The following LTK variants were observed in gnomAD, a reference collection of about 807,000 sequenced individuals.
The protein encoded by LTK is leukocyte receptor tyrosine kinase.
Under a neutral mutation model 101.5 loss-of-function variants are expected in LTK, and 117 were observed. The ratio of observed to expected loss-of-function variants is 1.15; its 90% CI spans 0.99 to 1.34. LTK has a LOEUF of 1.34. Ranked by LOEUF, LTK falls within the 40% of genes most tolerant of loss-of-function variation. The pLI, the probability that LTK is intolerant of heterozygous loss-of-function variation, is 0.00. For synonymous variants in LTK, 563 were observed against 494.2 expected, an observed-to-expected ratio of 1.14 and a Z score of -1.85; for missense variants, 1,252 against 1,164.7, an observed-to-expected ratio of 1.07 and a Z score of -1.09.
rs1284727107 is a variant in LTK at position 41,511,186 on chromosome 15, G to T, written c.975C>A (p.Gly325=). The stretch of plus-strand genomic sequence containing the variant: ...TACCCCTGTAGCCGCCGCCGCCTCC[G>T]CCCGCAGTGCAGGCCCCGCCGCCGC... ...FGGGGGACTA[G]GGGGGYRGGD... The change falls in exon 7 of 20, where the codon GGC becomes GGA. Residue 325 remains glycine, a synonymous_variant. Coordinates refer to ENST00000263800, the MANE Select transcript of LTK (RefSeq NM_002344.6). This position sits in a 1 kb window ranked among gnomAD's most constrained non-coding sequence, Gnocchi z 5.9. 8 of 1,405,234 alleles carry T rather than the reference G, an allele frequency of 5.7e-6. No homozygotes were observed. Among genetic ancestry groups the T allele is most frequent in the Non-Finnish European group, 7.4e-6 (8 of 1,088,160 alleles). The allele number at this position is 1,405,234 out of a possible 1,614,324, so 87.0% of individuals were successfully genotyped here.
At position 41,512,838 on chromosome 15, in the gene LTK, G is replaced by A. The variant is rs1401474592; in HGVS notation, c.228C>T (p.Ser76=). ...GSWLFSTCGA[S]GRHGPTQTQC... ...GTGTCTGTGTGGGCCCATGCCGGCC[G>A]CTGGCCCCGCAGGTAGAAAACAGCC... Residue 76 remains serine (S), a synonymous_variant, in exon 3 of 20, where the codon AGC becomes AGT. Coordinates refer to ENST00000263800, the MANE Select transcript of LTK (RefSeq NM_002344.6). The A allele has an allele frequency of 4.3e-6, 7 of 1,612,136 alleles. No individual in the cohort carries two copies. The Admixed American group carries it at 5.0e-5, about 12-fold the overall frequency.
chr15:41,513,425 A>C (rs924241722), intron 1 of LTK, among the ~76,000 whole-genome samples: 2 of 152,172 alleles, frequency 1.3e-5, no homozygotes, highest in Non-Finnish European at 2.9e-5. Flanking sequence ...GCCCCGCCCC[A>C]AGGCGGTGCT....
intron 8 of LTK, 40 bp downstream of exon 8, chr15:41,508,991 A>T: frequency 1.4e-6 from 2 of 1,404,000 alleles, no homozygotes; most frequent in Non-Finnish European, 2.0e-6. Context: ...ACTGCGGAAG[A>T]AGTCCAGGCC....
chr15:41,507,874 T>C (rs1337454511), intron 9 of LTK, among the ~76,000 whole-genome samples, 195 bp downstream of exon 9: 1 of 152,200 alleles, frequency 6.6e-6, no homozygotes, highest in African/African-American at 2.4e-5. Flanking sequence ...TACATAGCTA[T>C]ATCTAAACAT....
chr15:41,508,602 AATAC>A (rs66925083), intron 8 of LTK, among the ~76,000 whole-genome samples: 5,301 of 135,096 alleles, frequency 0.039, 147 homozygotes, highest in Non-Finnish European at 0.063. Context: ...TAAATAAATA[AATAC>A]ATGCCTTTTC....
At position 41,507,315 on chromosome 15, in the gene LTK, C is replaced by T. The variant is rs985276525; in HGVS notation, c.1346-25G>A. The stretch of plus-strand genomic sequence containing the variant: ...ACTGGGGGTGGGAAGAATAACGGCA[C>T]ACCCTCCACCTGCCCATCAACTCTC... On this transcript the variant is annotated intron_variant, in intron 10 of 19. Transcript: ENST00000263800. The T allele has an allele frequency of 1.9e-6, 3 of 1,568,834 alleles. No individual in the cohort carries two copies. In the African/African-American group the frequency reaches 4.1e-5, roughly 21 times the overall value.
At position 41,511,609 on chromosome 15, in the gene LTK, G is replaced by A. The variant is rs142856524; in HGVS notation, c.658-31C>T. ...GGGCCAGCGGCGTGTTCCAGGAAGC[G>A]CCCTCCAGCTGTCCAGGGGCACTGC... is the stretch of plus-strand genomic sequence containing the variant. On this transcript the variant is annotated intron_variant, in intron 5 of 19. Coordinates refer to ENST00000263800, the MANE Select transcript of LTK (RefSeq NM_002344.6). This position sits in a 1 kb window ranked among gnomAD's most constrained non-coding sequence, Gnocchi z 5.9. The A allele has an allele frequency of 0.035, 50,286 of 1,425,116 alleles. 1,040 individuals carry two copies. The highest frequency in any genetic ancestry group is 0.041 in the Non-Finnish European group (45,447 of 1,100,940). The allele number at this position is 1,425,116 out of a possible 1,614,324, so 88.3% of individuals were successfully genotyped here. A position where few individuals can be genotyped will look rare whatever the true frequency, so the allele number is the denominator to read the frequency against.
In LTK at chr15:41,510,549, C is replaced by T. The variant is rs142855104; in HGVS notation, c.997+615G>A. The stretch of plus-strand genomic sequence containing the variant: ...TGATCTCGGCTCACTGCAACCTCCG[C>T]CTCCCAGGTTCAAGCAATTCTCCTG... On this transcript the variant is annotated intron_variant, in intron 7 of 19. Coordinates refer to ENST00000263800, the MANE Select transcript of LTK (RefSeq NM_002344.6). 9.7e-3 allele frequency among the ~76,000 whole-genome samples: 1,476 copies of T among 151,968 alleles called. 23 individuals carry two copies. The highest frequency in any genetic ancestry group is 0.034 in the African/African-American group (1,418 of 41,442).
In LTK at chr15:41,504,230, C is replaced by T; in HGVS notation, c.2361G>A (p.Leu787=). Reference sequence around the variant, plus strand: ...CCAGCTCCATTGGCAGGAGTGAATTCAGCACATCCGGGTCCTGTAATGGAA... The same window carrying T: ...CCAGCTCCATTGGCAGGAGTGAATTTAGCACATCCGGGTCCTGTAATGGAA... The part of the protein sequence containing the change: ...LQYCTQDPDV[L]NSLLPMELGP... Residue 787 remains leucine (L), a synonymous_variant, in exon 20 of 20, where the codon CTG becomes CTA. Transcript: ENST00000263800. 1 of 1,609,552 alleles carries T rather than the reference C, an allele frequency of 6.2e-7. No individual in the cohort carries two copies. Among genetic ancestry groups the T allele is most frequent in the Non-Finnish European group, 8.5e-7 (1 of 1,177,058 alleles).
intron 11 of LTK, among the ~76,000 whole-genome samples, chr15:41,506,510 G>T (rs933154585): frequency 1.3e-5 from 2 of 151,976 alleles, no homozygotes; most frequent in Non-Finnish European, 2.9e-5. Context: ...TCACCATGTT[G>T]GCCAGGCTGG....
chr15:41,504,294 C>A (rs1418836038), intron 19 of LTK, 48 bp downstream of exon 19: 1 of 1,610,402 alleles, frequency 6.2e-7, no homozygotes, highest in South Asian at 1.1e-5. Context: ...TTCTGGCCCT[C>A]CCTCCTGACC....
In LTK at chr15:41,512,690, C is replaced by T. The variant is rs771002191; in HGVS notation, c.359+17G>A. The stretch of plus-strand genomic sequence containing the variant: ...ACTAGCAGGTCACTGTCCACCCTAC[C>T]TCCGCCGTGCACTTACAGATACTGG... On this transcript the variant is annotated intron_variant, in intron 3 of 19. Coordinates refer to ENST00000263800, the MANE Select transcript of LTK (RefSeq NM_002344.6). 6.5e-7 allele frequency: 1 copy of T among 1,545,902 alleles called. No individual in the cohort carries two copies. Among genetic ancestry groups the T allele is most frequent in the Non-Finnish European group, 8.7e-7 (1 of 1,149,678 alleles).
In LTK at chr15:41,513,110, G is replaced by C. The variant is rs756410274; in HGVS notation, c.54C>G (p.Leu18=). ...TCTCCTGGGACCCCGGGCTAGAGCA[G>C]AGAATGGCGCCTGAAAGGTGTTGGG... ...LVWFGAAGAI[L]CSSPGSQETF... Residue 18 remains leucine (L), a synonymous_variant, in exon 2 of 20, where the codon CTC becomes CTG. Transcript: ENST00000263800. 1.0e-5 allele frequency: 16 copies of C among 1,602,646 alleles called. No individual in the cohort carries two copies. In the South Asian group the frequency reaches 1.4e-4, roughly 14 times the overall value.
intron 10 of LTK, 25 bp from the exon 11 acceptor site, chr15:41,507,315 C>G: frequency 6.4e-7 from 1 of 1,568,952 alleles, no homozygotes; most frequent in Non-Finnish European, 8.7e-7. Context: ...AATAACGGCA[C>G]ACCCTCCACC....
At position 41,505,730 on chromosome 15, in the gene LTK, C is replaced by T. The variant is rs777037483; in HGVS notation, c.1680G>A (p.Met560Ile). The change falls in exon 13 of 20, where the codon ATG becomes ATA. Residue 560 changes from methionine (M) to isoleucine (I), a missense_variant. By Grantham distance (10) the Met-to-Ile change is conservative. Transcript: ENST00000263800. ...CSPQDELDFL[M>I]EALIISKFRH... Reference sequence around the variant, plus strand: ...AGGTGCACCTGATGATGAGGGCCTCCATGAGGAAATCCAGCTCATCCTGAG... The same window carrying T: ...AGGTGCACCTGATGATGAGGGCCTCTATGAGGAAATCCAGCTCATCCTGAG... 1.2e-6 allele frequency: 2 copies of T among 1,613,834 alleles called. No homozygotes were observed. Among genetic ancestry groups the T allele is most frequent in the Non-Finnish European group, 1.7e-6 (2 of 1,179,976 alleles).
In LTK at chr15:41,512,223, G is replaced by C. The variant is rs749488867; in HGVS notation, c.402C>G (p.Asn134Lys). 2 of 1,613,112 alleles carry C rather than the reference G, an allele frequency of 1.2e-6. No individual in the cohort carries two copies. Among genetic ancestry groups the C allele is most frequent in the Middle Eastern group, 1.6e-4 (1 of 6,062 alleles). Residue 134 changes from asparagine to lysine, a missense_variant, in exon 4 of 20, where the codon AAC becomes AAG. Physicochemically the swap from Asn to Lys is moderately conservative, Grantham distance 94 (BLOSUM62 0). Coordinates refer to ENST00000263800, the MANE Select transcript of LTK (RefSeq NM_002344.6). ...YGAAGGKGAK[N>K]HLSRAHGVFV... ...AGACGCCATGCGCCCGCGACAGGTG[G>C]TTCTTGGCGCCTTTGCCGCCCGCGG...
Position 41,504,979 on chromosome 15 carries a change from TA to T in LTK, c.2010del (p.Asp670GlufsTer87). 5.0e-6 allele frequency: 8 copies of T among 1,611,466 alleles called. No homozygotes were observed. Among genetic ancestry groups the T allele is most frequent in the Non-Finnish European group, 6.8e-6 (8 of 1,178,646 alleles). The part of the protein sequence containing the change: ...AKIGDFGMAR[D>X]IYRASYYRRG... ...ACCTCCCAAGTCCCGCACCGGTAGATATCTCGTGCCATCCCAAAGTCCCCAA... is the reference window on the plus strand; with the variant it reads ...ACCTCCCAAGTCCCGCACCGGTAGATTCTCGTGCCATCCCAAAGTCCCCAA... On this transcript the variant is annotated frameshift_variant, in exon 16 of 20. Coordinates refer to ENST00000263800, the MANE Select transcript of LTK (RefSeq NM_002344.6). LOFTEE classifies it high-confidence loss of function.
rs774530741 is a variant in LTK at position 41,513,671 on chromosome 15, G to GCCAGATA, written c.38_39insTATCTGG (p.Ala14IlefsTer10). On this transcript the variant is annotated frameshift_variant, in exon 1 of 20. Transcript: ENST00000263800. LOFTEE classifies it high-confidence loss of function. ...TGACCGCCAGATAGCACTTACCCGC[G>GCCAGATA]GCTCCGAACCACACCAGCAGCTGTC... is the stretch of plus-strand genomic sequence containing the variant. 6.2e-7 allele frequency: 1 copy of GCCAGATA among 1,613,374 alleles called. No homozygotes were observed. Among genetic ancestry groups the GCCAGATA allele is most frequent in the Non-Finnish European group, 8.5e-7 (1 of 1,179,918 alleles).
At position 41,511,791 on chromosome 15, in the gene LTK, C is replaced by T. The variant is rs2051472928; in HGVS notation, c.657+26G>A. 2.7e-6 allele frequency: 4 copies of T among 1,485,620 alleles called. No homozygotes were observed. Among genetic ancestry groups the T allele is most frequent in the African/African-American group, 3.0e-5 (2 of 67,224 alleles). 92.0% of individuals were successfully genotyped at this position (1,485,620 alleles called of 1,614,324 possible). A position where few individuals can be genotyped will look rare whatever the true frequency, so the allele number is the denominator to read the frequency against. ...CCTGGGGAGAGGATTGGGACCCCAA[C>T]GCTGAGCGCCGAAGGGAGCACGTAC... On this transcript the variant is annotated intron_variant, in intron 5 of 19. Transcript: ENST00000263800. This position sits in a 1 kb window ranked among gnomAD's most constrained non-coding sequence, Gnocchi z 5.9.
Sources: allele counts gnomAD v4.1 joint callset (sites outside exome capture counted in the v4.1 genomes callset), GRCh38; gene constraint gnomAD v4.1.1; non-coding constraint Gnocchi (gnomAD v3.1); transcripts MANE v1.5; gene names NCBI Gene and HGNC (gene_info 2026-07-23, HGNC 2026-07-21).